The following TRMT9B variants were observed in gnomAD, a reference collection of about 807,000 sequenced individuals.
TRMT9B encodes probable tRNA methyltransferase 9B.
In TRMT9B, 16 loss-of-function variants were observed where a neutral mutation model predicts 11.5. That is an observed-to-expected ratio of 1.39 (90% CI 0.94 to 2.11). The LOEUF is 2.11. Ranked by LOEUF, TRMT9B falls within the 30% of genes most tolerant of loss-of-function variation. The probability of loss-of-function intolerance (pLI) is 0.00; values close to 1 mark genes in which losing one functional copy is unlikely to be tolerated. For missense variants in TRMT9B, 941 were observed against 553.8 expected, an observed-to-expected ratio of 1.70 and a Z score of -7.02; for synonymous variants, 274 against 192.4, an observed-to-expected ratio of 1.42 and a Z score of -3.51.
At chr8:12,959,995 A>G (rs1168213048) in intron 1 of TRMT9B, 4 of 152,184 alleles carry the variant, frequency 2.6e-5, no homozygotes, top group Non-Finnish European at 5.9e-5. Context: ...TCAAGAACAT[A>G]CGTGCAGCTG....
intron 1 of TRMT9B, among the ~76,000 whole-genome samples, chr8:12,982,762 T>C (rs76522631): frequency 2.6e-5 from 4 of 152,156 alleles, no homozygotes; most frequent in Non-Finnish European, 5.9e-5. Flanking sequence ...CTCAAAAATT[T>C]GAAACTTTTT....
At chr8:12,986,955 C>G (rs1241008654) in intron 1 of TRMT9B, among the ~76,000 whole-genome samples, 1 of 152,190 alleles carries the variant, frequency 6.6e-6, no homozygotes, top group Non-Finnish European at 1.5e-5. Flanking sequence ...TTTCTAAAAC[C>G]GAGATCAACT....
Position 13,027,693 on chromosome 8 carries a change from C to T in TRMT9B, c.*5649C>T, listed in dbSNP as rs141517912. 3.0e-4 allele frequency: 50 copies of T among 167,174 alleles called. 1 individual carries two copies. The highest frequency in any genetic ancestry group is 3.4e-3 in the Middle Eastern group (1 of 296). 10.4% of individuals were successfully genotyped at this position (167,174 alleles called of 1,614,324 possible). ...GGATTTCAAATGCCATAATTGTAATCTTTCTCCAAAGAAAAATGCACGATA... is the reference window on the plus strand; with the variant it reads ...GGATTTCAAATGCCATAATTGTAATTTTTCTCCAAAGAAAAATGCACGATA... On this transcript the variant is annotated 3_prime_UTR_variant, in exon 5 of 5. Coordinates refer to ENST00000524591, the MANE Select transcript of TRMT9B (RefSeq NM_020844.3).
chr8:12,995,633 C>A (rs1359490487), intron 2 of TRMT9B, among the ~76,000 whole-genome samples: 2 of 152,064 alleles, frequency 1.3e-5, no homozygotes, highest in African/African-American at 4.8e-5. Flanking sequence ...ATAAAGAAAA[C>A]TTTACTGATA....
At chr8:12,975,062 C>T (rs1435425104) in intron 1 of TRMT9B, among the ~76,000 whole-genome samples, 1 of 149,938 alleles carries the variant, frequency 6.7e-6, no homozygotes, top group Non-Finnish European at 1.5e-5. Context: ...TGTATTTTTA[C>T]ACTAATGGGG....
At chr8:12,960,928 G>A (rs1306629515) in intron 1 of TRMT9B, among the ~76,000 whole-genome samples, 2 of 152,072 alleles carry the variant, frequency 1.3e-5, no homozygotes, top group Non-Finnish European at 2.9e-5. Flanking sequence ...GGATCACGAG[G>A]TCAAGAGACC....
chr8:12,982,001 T>C (rs1035431350), intron 1 of TRMT9B, among the ~76,000 whole-genome samples: 2 of 152,198 alleles, frequency 1.3e-5, no homozygotes, highest in African/African-American at 2.4e-5. Flanking sequence ...TCCTAAATTT[T>C]ATGAGGGTAA....
rs944754527 is a variant in TRMT9B, at chr8:12,945,799, T to G, written c.-367T>G. 3 of 152,248 alleles carry G rather than the reference T, an allele frequency of 2.0e-5. No homozygotes were observed. The highest frequency in any genetic ancestry group is 7.2e-5 in the African/African-American group (3 of 41,466). The allele number at this position is 152,248 out of a possible 1,614,324, so 9.4% of individuals were successfully genotyped here. ...TTTTGTGTTTTTTGTTAGTTTGTTT[T>G]GAATTTTTTTTCTTGATGCATATGT... On this transcript the variant is annotated 5_prime_UTR_variant, in exon 1 of 5. The change abolishes the stop of an existing upstream ORF in the 5' untranslated region. Transcript: ENST00000524591.
intron 1 of TRMT9B, among the ~76,000 whole-genome samples, chr8:12,955,917 C>T (rs987688484): frequency 1.3e-5 from 2 of 152,112 alleles, no homozygotes; most frequent in Non-Finnish European, 1.5e-5. Context: ...TCAGAACCAC[C>T]GCTAGAACTG....
rs61536433 is a variant in TRMT9B, at chr8:12,959,516, C to CTTTTTTTTTTT, written c.-200+13563_-200+13573dup. 1.5e-3 allele frequency among the ~76,000 whole-genome samples: 113 copies of CTTTTTTTTTTT among 74,928 alleles called. 12 individuals are homozygous for CTTTTTTTTTTT. The highest frequency in any genetic ancestry group is 2.0e-3 in the East Asian group (4 of 1,954). 49.2% of individuals were successfully genotyped at this position (74,928 alleles called of 152,430 possible). A position where few individuals can be genotyped will look rare whatever the true frequency, so the allele number is the denominator to read the frequency against. On this transcript the variant is annotated intron_variant, in intron 1 of 4. Coordinates refer to ENST00000524591, the MANE Select transcript of TRMT9B (RefSeq NM_020844.3). ...TCTCCTCTCCTTTCCTTTTTCCTTC[C>CTTTTTTTTTTT]TTTTTTTTTTTTTTTTTTTTTTTGA...
Position 13,026,894 on chromosome 8 carries a change from C to T in TRMT9B, c.*4850C>T, listed in dbSNP as rs1814753116. 6.0e-6 allele frequency: 1 copy of T among 166,992 alleles called. No homozygotes were observed. The highest frequency in any genetic ancestry group is 1.5e-5 in the Non-Finnish European group (1 of 68,118). The allele number at this position is 166,992 out of a possible 1,614,324, so 10.3% of individuals were successfully genotyped here. The stretch of plus-strand genomic sequence containing the variant: ...CAAATGAGCTTTGGAAAAGTTTAAG[C>T]AAAGATTACACAGCTAGACAATAAT... On this transcript the variant is annotated 3_prime_UTR_variant, in exon 5 of 5. Transcript: ENST00000524591.
At chr8:13,002,652 C>T (rs1004591812) in intron 2 of TRMT9B, among the ~76,000 whole-genome samples, 4 of 152,154 alleles carry the variant, frequency 2.6e-5, no homozygotes, top group African/African-American at 4.8e-5. Flanking sequence ...TTCCTTGAAA[C>T]GGAAGGAATG....
chr8:13,005,425 A>C (rs1274668286), intron 2 of TRMT9B, among the ~76,000 whole-genome samples: 1 of 152,208 alleles, frequency 6.6e-6, no homozygotes, highest in Non-Finnish European at 1.5e-5. Flanking sequence ...AAATGACTAA[A>C]AGAGTATATT....
intron 2 of TRMT9B, among the ~76,000 whole-genome samples, chr8:12,998,996 G>T (rs550370521): frequency 7.2e-5 from 11 of 152,216 alleles, no homozygotes; most frequent in South Asian, 2.1e-4. Context: ...CCAGAAACAT[G>T]GCATTAAGAA....
intron 2 of TRMT9B, among the ~76,000 whole-genome samples, chr8:12,993,144 T>A (rs1353904629): frequency 1.3e-5 from 2 of 152,190 alleles, no homozygotes; most frequent in Admixed American, 1.3e-4. Flanking sequence ...TTGCACGATA[T>A]AAGACTGCAA....
At chr8:12,986,733 C>G (rs1308250447) in intron 1 of TRMT9B, among the ~76,000 whole-genome samples, 5 of 152,204 alleles carry the variant, frequency 3.3e-5, no homozygotes, top group African/African-American at 1.2e-4. Flanking sequence ...GGCTTATTAT[C>G]AGAGCGTCAT....
At chr8:13,017,105 A>G (rs1441001437) in intron 4 of TRMT9B, among the ~76,000 whole-genome samples, 1 of 151,568 alleles carries the variant, frequency 6.6e-6, no homozygotes, top group Admixed American at 6.6e-5. Flanking sequence ...CCTGGGCGAC[A>G]GAGCAAGACT....
At chr8:13,011,929 G>A in intron 3 of TRMT9B, 1 of 985,346 alleles carries the variant, frequency 1.0e-6, no homozygotes, top group Non-Finnish European at 1.2e-6. Flanking sequence ...GTTGTTGACA[G>A]TTGTTTGTTT....
Position 13,022,791 on chromosome 8 carries a change from A to G in TRMT9B, c.*747A>G, listed in dbSNP as rs1814167823. 6.0e-6 allele frequency: 1 copy of G among 166,056 alleles called. No homozygotes were observed. The highest frequency in any genetic ancestry group is 2.4e-5 in the African/African-American group (1 of 41,458). 10.3% of individuals were successfully genotyped at this position (166,056 alleles called of 1,614,324 possible). On this transcript the variant is annotated 3_prime_UTR_variant, in exon 5 of 5. Transcript: ENST00000524591. The stretch of plus-strand genomic sequence containing the variant: ...AGGATCACTTGAACCCAGGAGTTCA[A>G]GAATAGCCTGGGCAACATAGCAAGA...
Sources: gnomAD v4.1 joint callset for allele counts (sites outside exome capture counted in the v4.1 genomes callset) on GRCh38, gnomAD v4.1.1 for gene constraint, MANE v1.5 for transcripts, NCBI Gene and HGNC (gene_info 2026-07-23, HGNC 2026-07-21) for gene names.